The following RIMS2 variants were observed in gnomAD, a reference collection of about 807,000 sequenced individuals.
RIMS2 encodes the protein regulating synaptic membrane exocytosis protein 2.
Under a neutral mutation model 174.4 loss-of-function variants are expected in RIMS2, and 59 were observed. The ratio of observed to expected loss-of-function variants is 0.34; its 90% CI spans 0.27 to 0.42. The LOEUF is 0.42. Among genes scored for constraint, RIMS2 ranks in the 10% least tolerant of loss-of-function variants. RIMS2 has a pLI of 1.00. For synonymous variants in RIMS2, 606 were observed against 572.5 expected (o/e 1.06, Z -0.84); for missense variants, 1,620 against 1,666.3 (o/e 0.97, Z 0.48).
chr8:103,588,568 C>T (rs191046829), intron 1 of RIMS2, among the ~76,000 whole-genome samples: 1 of 151,918 alleles, frequency 6.6e-6, no homozygotes, highest in African/African-American at 2.4e-5. Context: ...GACATGTAGA[C>T]CAATGGAACA....
chr8:103,755,753 G>C (rs576540259), intron 2 of RIMS2, among the ~76,000 whole-genome samples: 2 of 151,996 alleles, frequency 1.3e-5, no homozygotes, highest in Non-Finnish European at 2.9e-5. Context: ...CAAGGTTCTC[G>C]TGATGTGTTT....
chr8:104,006,974 A>G (rs2095608045), intron 17 of RIMS2, among the ~76,000 whole-genome samples: 1 of 152,142 alleles, frequency 6.6e-6, no homozygotes, highest in Non-Finnish European at 1.5e-5. Flanking sequence ...CTGCTATCAA[A>G]GAAAACACAG....
chr8:103,524,016 A>G (rs1310214165), intron 1 of RIMS2, among the ~76,000 whole-genome samples: 1 of 152,128 alleles, frequency 6.6e-6, no homozygotes, highest in East Asian at 1.9e-4. Context: ...TGTGGAAAAT[A>G]TTTTCTAAGT....
chr8:104,230,578 G>A (rs1054290736), intron 19 of RIMS2, among the ~76,000 whole-genome samples: 24 of 152,198 alleles, frequency 1.6e-4, no homozygotes, highest in South Asian at 8.3e-4. Flanking sequence ...CCCTGGAGGC[G>A]GAAGTTGCAG....
intron 1 of RIMS2, among the ~76,000 whole-genome samples, chr8:103,506,087 T>C (rs913931397): frequency 1.4e-4 from 22 of 152,104 alleles, no homozygotes; most frequent in African/African-American, 4.8e-4. Context: ...ATGAATACTT[T>C]TAAATAAAAA....
At chr8:104,172,464 A>T (rs563107727) in intron 19 of RIMS2, among the ~76,000 whole-genome samples, 1 of 152,324 alleles carries the variant, frequency 6.6e-6, no homozygotes, top group East Asian at 1.9e-4. Context: ...TTTTTGCTTG[A>T]TAAATAATTT....
chr8:103,623,779 G>T (rs2095704245), intron 1 of RIMS2, among the ~76,000 whole-genome samples: 1 of 149,462 alleles, frequency 6.7e-6, no homozygotes, highest in South Asian at 2.1e-4. Flanking sequence ...GTGAGCCACC[G>T]CGCCCGGTCT....
intron 2 of RIMS2, among the ~76,000 whole-genome samples, chr8:103,706,483 GGTCTAGT>G (rs2097229041): frequency 6.6e-6 from 1 of 151,878 alleles, no homozygotes; most frequent in Non-Finnish European, 1.5e-5. Context: ...TTGTAAAATA[GGTCTAGT>G]GGTAATGAAT....
At chr8:103,541,512 A>G (rs1437578920) in intron 1 of RIMS2, among the ~76,000 whole-genome samples, 1 of 152,244 alleles carries the variant, frequency 6.6e-6, no homozygotes, top group Non-Finnish European at 1.5e-5. Context: ...AAGAAAAAAA[A>G]GAAATGCTAA....
intron 19 of RIMS2, among the ~76,000 whole-genome samples, chr8:104,139,989 CA>C (rs899498229): frequency 2.0e-5 from 3 of 152,118 alleles, no homozygotes; most frequent in African/African-American, 7.2e-5. Context: ...TTAATTTTAT[CA>C]AATGCTTTTT....
At chr8:104,173,824 T>G (rs2098847700) in intron 19 of RIMS2, among the ~76,000 whole-genome samples, 1 of 151,296 alleles carries the variant, frequency 6.6e-6, no homozygotes, top group Admixed American at 6.6e-5. Flanking sequence ...GAGACGGGGT[T>G]TCACAGTGTT....
intron 19 of RIMS2, among the ~76,000 whole-genome samples, chr8:104,047,889 C>G: frequency 6.6e-6 from 1 of 152,016 alleles, no homozygotes; most frequent in East Asian, 1.9e-4. Context: ...TGAAATCAGA[C>G]AGGTACGAAT....
At chr8:103,525,168 A>G (rs28440031) in intron 1 of RIMS2, among the ~76,000 whole-genome samples, 1,767 of 152,316 alleles carry the variant, frequency 0.012, 33 homozygotes, top group African/African-American at 0.039. Flanking sequence ...TCTGAATAAC[A>G]TCAAGACTCT....
At chr8:104,011,450 T>A (rs557767475) in intron 17 of RIMS2, among the ~76,000 whole-genome samples, 1 of 152,220 alleles carries the variant, frequency 6.6e-6, no homozygotes, top group African/African-American at 2.4e-5. Flanking sequence ...TAACGAGACA[T>A]TTTTTGTAAG....
rs552784851 is a variant in RIMS2 at position 103,593,884 on chromosome 8, TAAAC to T, written c.176+92826_176+92829del. On this transcript the variant is annotated intron_variant, in intron 1 of 23. Transcript: ENST00000504942. The stretch of plus-strand genomic sequence containing the variant: ...AGATAGAAATATATATATAACTTAT[TAAAC>T]AAAAGCACATTGAGATCCTCAATAA... Among the ~76,000 whole-genome samples, 46 of 151,470 alleles carry T rather than the reference TAAAC, an allele frequency of 3.0e-4. 1 individual carries two copies. In the South Asian group the frequency reaches 6.6e-3, roughly 22 times the overall value.
At chr8:104,247,079 A>G (rs1015269519) in intron 20 of RIMS2, among the ~76,000 whole-genome samples, 1 of 152,126 alleles carries the variant, frequency 6.6e-6, no homozygotes, top group African/African-American at 2.4e-5. Flanking sequence ...AAGCTAGGGA[A>G]TGGTGGCTTG....
At chr8:103,935,843 A>C (rs900495313) in intron 12 of RIMS2, among the ~76,000 whole-genome samples, 1 of 152,170 alleles carries the variant, frequency 6.6e-6, no homozygotes, top group African/African-American at 2.4e-5. Flanking sequence ...CCCAATATGG[A>C]CAATATATTA....
At chr8:103,620,536 G>A (rs2095610728) in intron 1 of RIMS2, among the ~76,000 whole-genome samples, 1 of 152,092 alleles carries the variant, frequency 6.6e-6, no homozygotes, top group Admixed American at 6.5e-5. Flanking sequence ...AGGGAAAAAT[G>A]AAAGCAACCG....
intron 19 of RIMS2, among the ~76,000 whole-genome samples, chr8:104,208,286 G>A (rs552193314): frequency 6.6e-5 from 10 of 152,246 alleles, no homozygotes; most frequent in Admixed American, 5.2e-4. Context: ...AAGAATATTA[G>A]GCAGGGCACA....
Sources: gnomAD v4.1 joint callset for allele counts (sites outside exome capture counted in the v4.1 genomes callset) on GRCh38, gnomAD v4.1.1 for gene constraint, MANE v1.5 for transcripts, NCBI Gene and HGNC (gene_info 2026-07-23, HGNC 2026-07-21) for gene names.